The following PLEKHA8 variants were observed in gnomAD, a reference collection of about 807,000 sequenced individuals.
PLEKHA8 encodes the protein pleckstrin homology domain containing A8, also known as pleckstrin homology domain-containing family A member 8.
In PLEKHA8, 36 loss-of-function variants were observed where a neutral mutation model predicts 68.2. The ratio of observed to expected loss-of-function variants is 0.53; its 90% CI spans 0.40 to 0.70. The LOEUF is 0.70. Ranked by LOEUF, PLEKHA8 falls within the 30% of genes least tolerant of loss-of-function variation. The pLI, the probability that PLEKHA8 is intolerant of heterozygous loss-of-function variation, is 0.00. For synonymous variants in PLEKHA8, 211 were observed against 216.1 expected (o/e 0.98, Z 0.20); for missense variants, 505 against 615.4 (o/e 0.82, Z 1.90).
Position 30,082,186 on chromosome 7 carries a change from T to C in PLEKHA8, c.*3399T>C, listed in dbSNP as rs1946481171. The C allele has an allele frequency of 1.0e-6, 1 of 985,262 alleles. No individual in the cohort carries two copies. The highest frequency in any genetic ancestry group is 1.2e-6 in the Non-Finnish European group (1 of 829,910). 61.0% of individuals were successfully genotyped at this position (985,262 alleles called of 1,614,324 possible). A position where few individuals can be genotyped will look rare whatever the true frequency, so the allele number is the denominator to read the frequency against. On this transcript the variant is annotated 3_prime_UTR_variant, in exon 14 of 14. Coordinates refer to ENST00000449726, the MANE Select transcript of PLEKHA8 (RefSeq NM_001197026.2). ...CCTTCTTATCATTTTTTGCATGTTATTCTGATTATTAAACTTCCCCCAATG... is the reference window on the plus strand; with the variant it reads ...CCTTCTTATCATTTTTTGCATGTTACTCTGATTATTAAACTTCCCCCAATG...
chr7:30,092,907 C>T (rs1795473427), downstream of PLEKHA8, among the ~76,000 whole-genome samples: 1 of 152,182 alleles, frequency 6.6e-6, no homozygotes, highest in East Asian at 1.9e-4. Context: ...GGGGCCACCT[C>T]CATGCTTGCT....
intron 13 of PLEKHA8, among the ~76,000 whole-genome samples, chr7:30,107,496 T>G (rs1029382093): frequency 6.6e-6 from 1 of 152,114 alleles, no homozygotes; most frequent in Non-Finnish European, 1.5e-5. Flanking sequence ...TATAGGTTCC[T>G]TTGTATTTCG....
chr7:30,105,193 G>T (rs184998483), intron 13 of PLEKHA8, among the ~76,000 whole-genome samples: 1 of 151,926 alleles, frequency 6.6e-6, no homozygotes, highest in East Asian at 1.9e-4. Context: ...CTCAGGGGCC[G>T]AGTGTGGTGG....
At chr7:30,127,248 G>GGAAA (rs1796787726) in intron 13 of PLEKHA8, among the ~76,000 whole-genome samples, 2 of 152,144 alleles carry the variant, frequency 1.3e-5, no homozygotes, top group South Asian at 4.1e-4. Context: ...AGCCCTCCTA[G>GGAAA]GAAAACTGGC....
intron 13 of PLEKHA8, among the ~76,000 whole-genome samples, chr7:30,127,517 T>G (rs1233970400): frequency 3.3e-5 from 5 of 152,208 alleles, no homozygotes; most frequent in Non-Finnish European, 7.3e-5. Flanking sequence ...TTAAGAATAA[T>G]CTTCCTTTGA....
chr7:30,056,298 CTCTCTCTCTCTCTCTA>C (rs1358904122), intron 9 of PLEKHA8, among the ~76,000 whole-genome samples: 23 of 89,600 alleles, frequency 2.6e-4, no homozygotes, highest in Non-Finnish European at 4.3e-4. Context: ...CTCTCTCTCT[CTCTCTCTCTCTCTCTA>C]TATATATATA....
intron 1 of PLEKHA8, among the ~76,000 whole-genome samples, chr7:30,043,097 G>A (rs1791667673): frequency 6.6e-6 from 1 of 152,140 alleles, no homozygotes; most frequent in African/African-American, 2.4e-5. Flanking sequence ...GACCTTCCAG[G>A]CTCAAGCAGT....
chr7:30,102,763 G>A (rs1242189676), intron 13 of PLEKHA8, among the ~76,000 whole-genome samples: 2 of 152,176 alleles, frequency 1.3e-5, no homozygotes, highest in African/African-American at 2.4e-5. Flanking sequence ...ATTACCAGAG[G>A]GCACCCAGGT....
At chr7:30,046,474 T>C (rs1791971849) in intron 3 of PLEKHA8, 109 bp downstream of exon 3, 1 of 1,229,274 alleles carries the variant, frequency 8.1e-7, no homozygotes, top group Non-Finnish European at 1.1e-6. Flanking sequence ...GCTTTTTGTG[T>C]CATGCAAATG....
intron 1 of PLEKHA8, among the ~76,000 whole-genome samples, chr7:30,031,829 T>C (rs1003668964): frequency 2.0e-5 from 3 of 152,240 alleles, no homozygotes; most frequent in Non-Finnish European, 4.4e-5. Flanking sequence ...TCGATAGGTA[T>C]TAATTACTGA....
chr7:30,128,009 T>C (rs1796804634), intron 13 of PLEKHA8, among the ~76,000 whole-genome samples: 1 of 152,174 alleles, frequency 6.6e-6, no homozygotes, highest in South Asian at 2.1e-4. Flanking sequence ...GCCTATTGTA[T>C]ATTTTCCCAT....
At chr7:30,030,928 C>G (rs10951257) in intron 1 of PLEKHA8, among the ~76,000 whole-genome samples, 23,166 of 152,106 alleles carry the variant, frequency 0.15, 1,796 homozygotes, top group Middle Eastern at 0.22. Flanking sequence ...TTTGCACATA[C>G]TAACTTTAAA....
At chr7:30,064,758 A>C (rs1040351435) in intron 12 of PLEKHA8, among the ~76,000 whole-genome samples, 1 of 152,198 alleles carries the variant, frequency 6.6e-6, no homozygotes, top group Non-Finnish European at 1.5e-5. Flanking sequence ...CTAACTTATT[A>C]GTATGGAATT....
intron 13 of PLEKHA8, among the ~76,000 whole-genome samples, chr7:30,110,608 C>T (rs1796241254): frequency 6.6e-6 from 1 of 152,150 alleles, no homozygotes; most frequent in South Asian, 2.1e-4. Context: ...AAGTGTTTTC[C>T]AAAGTGGTTG....
chr7:30,040,946 G>A (rs563617572), intron 1 of PLEKHA8, among the ~76,000 whole-genome samples: 31 of 152,282 alleles, frequency 2.0e-4, no homozygotes, highest in Admixed American at 1.2e-3. Context: ...AAGGGAGCAG[G>A]GAGTAGTACA....
intron 13 of PLEKHA8, among the ~76,000 whole-genome samples, chr7:30,104,114 A>T (rs1795973441): frequency 6.6e-6 from 1 of 152,246 alleles, no homozygotes; most frequent in Non-Finnish European, 1.5e-5. Context: ...CAATATCATT[A>T]GTCACCAGGG....
At chr7:30,059,906 G>A (rs11981036) in intron 9 of PLEKHA8, among the ~76,000 whole-genome samples, 25,541 of 152,154 alleles carry the variant, frequency 0.17, 2,182 homozygotes, top group Middle Eastern at 0.22. Flanking sequence ...TCATTGGGCC[G>A]GGCATGGTGG....
chr7:30,122,183 G>A (rs1796707271), intron 13 of PLEKHA8, among the ~76,000 whole-genome samples: 1 of 152,096 alleles, frequency 6.6e-6, no homozygotes, highest in Admixed American at 6.5e-5. Flanking sequence ...GTAGAAAACT[G>A]GCCCATCTGG....
intron 1 of PLEKHA8, among the ~76,000 whole-genome samples, chr7:30,035,214 G>A (rs984133125): frequency 2.0e-5 from 3 of 152,150 alleles, no homozygotes; most frequent in African/African-American, 7.2e-5. Context: ...CTAATACCTT[G>A]AGCAAGTTAC....
Sources: gnomAD v4.1 joint callset for allele counts (sites outside exome capture counted in the v4.1 genomes callset) on GRCh38, gnomAD v4.1.1 for gene constraint, MANE v1.5 for transcripts, NCBI Gene and HGNC (gene_info 2026-07-23, HGNC 2026-07-21) for gene names.